MACROD2: variants seen among roughly 807,000 people sequenced by gnomAD.
The protein encoded by MACROD2 is mono-ADP ribosylhydrolase 2.
Under a neutral mutation model 70.4 loss-of-function variants are expected in MACROD2, and 36 were observed. The ratio of observed to expected loss-of-function variants is 0.51; its 90% CI spans 0.39 to 0.68. The LOEUF (loss-of-function observed/expected upper bound fraction) is 0.68, where lower values mean the gene tolerates loss of function less well. Among genes scored for constraint, MACROD2 ranks in the 30% least tolerant of loss-of-function variants. MACROD2 has a pLI of 0.00. For synonymous variants in MACROD2, 172 were observed against 178.8 expected, an observed-to-expected ratio of 0.96 and a Z score of 0.30; for missense variants, 496 against 538.4, an observed-to-expected ratio of 0.92 and a Z score of 0.78.
chr20:14,744,997 G>A (rs6110419), intron 5 of MACROD2, among the ~76,000 whole-genome samples: 3 of 152,050 alleles, frequency 2.0e-5, no homozygotes, highest in African/African-American at 7.2e-5. Flanking sequence ...TATTTTCTCA[G>A]GCTGTAAGGT....
intron 5 of MACROD2, among the ~76,000 whole-genome samples, chr20:15,178,574 C>T (rs1028659024): frequency 1.3e-5 from 2 of 152,208 alleles, no homozygotes; most frequent in Non-Finnish European, 1.5e-5. Context: ...TGCTTTCTCT[C>T]TTTTAACCTC....
chr20:15,096,879 T>G (rs2123182521), intron 5 of MACROD2, among the ~76,000 whole-genome samples: 1 of 150,290 alleles, frequency 6.7e-6, no homozygotes, highest in Non-Finnish European at 1.5e-5. Context: ...TGGCGTGATC[T>G]TGGCTCACTG....
chr20:14,942,001 G>A (rs1450689969), intron 5 of MACROD2, among the ~76,000 whole-genome samples: 1 of 148,456 alleles, frequency 6.7e-6, no homozygotes, highest in African/African-American at 2.5e-5. Context: ...GTTTCGCCGT[G>A]TTGTTCAGGC....
intron 8 of MACROD2, among the ~76,000 whole-genome samples, chr20:15,653,163 T>G (rs17623404): frequency 0.047 from 7,092 of 152,318 alleles, 253 homozygotes; most frequent in Admixed American, 0.076. Flanking sequence ...GTGAACCTTC[T>G]AGAGGTAATT....
intron 8 of MACROD2, among the ~76,000 whole-genome samples, chr20:15,750,875 AAAAC>A (rs972473702): frequency 6.6e-6 from 1 of 152,020 alleles, no homozygotes; most frequent in African/African-American, 2.4e-5. Flanking sequence ...GAATCTAAAA[AAAAC>A]AAAAAACGAC....
chr20:14,255,224 G>A (rs1418354169), intron 3 of MACROD2, among the ~76,000 whole-genome samples: 1 of 152,046 alleles, frequency 6.6e-6, no homozygotes, highest in East Asian at 1.9e-4. Flanking sequence ...GACACAGACT[G>A]GCAAATTGGA....
chr20:14,060,388 A>G (rs2053678284), intron 2 of MACROD2, among the ~76,000 whole-genome samples: 1 of 152,178 alleles, frequency 6.6e-6, no homozygotes, highest in Non-Finnish European at 1.5e-5. Context: ...AGTGGAAAAC[A>G]TTACCAGACC....
chr20:15,278,643 T>C (rs1352382869), intron 6 of MACROD2, among the ~76,000 whole-genome samples: 1 of 152,194 alleles, frequency 6.6e-6, no homozygotes. Flanking sequence ...TCCCATAATA[T>C]TGGCATCATG....
chr20:14,544,698 G>C (rs771664301), intron 4 of MACROD2, among the ~76,000 whole-genome samples: 5 of 152,130 alleles, frequency 3.3e-5, no homozygotes, highest in Non-Finnish European at 5.9e-5. Context: ...GAGTGAAAAA[G>C]TAGGGCAGAG....
chr20:14,394,483 C>T (rs1208221339), intron 3 of MACROD2, among the ~76,000 whole-genome samples: 1 of 151,874 alleles, frequency 6.6e-6, no homozygotes, highest in Non-Finnish European at 1.5e-5. Context: ...GCTTATTAGC[C>T]CTAGAAGCTT....
At chr20:14,643,444 C>G (rs1419622655) in intron 4 of MACROD2, among the ~76,000 whole-genome samples, 2 of 152,126 alleles carry the variant, frequency 1.3e-5, no homozygotes, top group Admixed American at 6.5e-5. Flanking sequence ...TTTTTGTTTA[C>G]TAGTGCAAAT....
chr20:14,367,409 C>T (rs963626956), intron 3 of MACROD2, among the ~76,000 whole-genome samples: 4 of 152,136 alleles, frequency 2.6e-5, no homozygotes, highest in African/African-American at 7.2e-5. Context: ...GCCTAGTATC[C>T]TTTTTGTTAA....
At chr20:15,997,342 T>C (rs991576529) in intron 15 of MACROD2, among the ~76,000 whole-genome samples, 3 of 152,216 alleles carry the variant, frequency 2.0e-5, no homozygotes, top group Admixed American at 1.3e-4. Flanking sequence ...AAGTATGGAA[T>C]ATCTTTACAT....
chr20:14,669,200 G>T (rs1271799013), intron 4 of MACROD2, among the ~76,000 whole-genome samples: 1 of 152,140 alleles, frequency 6.6e-6, no homozygotes, highest in Non-Finnish European at 1.5e-5. Context: ...CGGGCTTCTT[G>T]TTTGCCATCT....
intron 5 of MACROD2, among the ~76,000 whole-genome samples, chr20:14,962,514 TCTCTCTCTCTCTTTC>T (rs2074593212): frequency 4.9e-5 from 7 of 141,820 alleles, no homozygotes; most frequent in African/African-American, 2.1e-4. Context: ...AATTTTGCTC[TCTCTCTCTCTCTTTC>T]TCTCTCTCTC....
At chr20:14,819,127 G>A (rs557884311) in intron 5 of MACROD2, among the ~76,000 whole-genome samples, 7 of 151,738 alleles carry the variant, frequency 4.6e-5, no homozygotes, top group African/African-American at 1.7e-4. Flanking sequence ...ATTGCTGGGT[G>A]TGGTGGCAGG....
At chr20:14,094,578 C>T (rs1401334379) in intron 3 of MACROD2, among the ~76,000 whole-genome samples, 2 of 152,222 alleles carry the variant, frequency 1.3e-5, no homozygotes, top group East Asian at 3.9e-4. Flanking sequence ...TGTTAATTTT[C>T]CTTTAGCTTC....
At position 13,995,856 on chromosome 20, in the gene MACROD2, GTGGGGGC is replaced by G; in HGVS notation, c.46+48_46+54del. 1 of 1,477,880 alleles carries G rather than the reference GTGGGGGC, an allele frequency of 6.8e-7. No individual in the cohort carries two copies. Among genetic ancestry groups the G allele is most frequent in the Non-Finnish European group, 9.2e-7 (1 of 1,084,108 alleles). 91.5% of individuals were successfully genotyped at this position (1,477,880 alleles called of 1,614,324 possible). A position where few individuals can be genotyped will look rare whatever the true frequency, so the allele number is the denominator to read the frequency against. ...GGGGGTGCGGGCGGTGGGGGTTAGG[GTGGGGGC>G]GGGGGTCAGGCTGTGTGTGCCGCGG... On this transcript the variant is annotated intron_variant, in intron 1 of 17. Coordinates refer to ENST00000684519, the MANE Select transcript of MACROD2 (RefSeq NM_001351661.2). This position sits in a 1 kb window ranked among gnomAD's most constrained non-coding sequence, Gnocchi z 4.3.
chr20:14,975,671 C>CA (rs1353307805), intron 5 of MACROD2, among the ~76,000 whole-genome samples: 3 of 151,986 alleles, frequency 2.0e-5, no homozygotes, highest in African/African-American at 7.3e-5. Context: ...ATTCGACTCT[C>CA]ACGACCTCTC....
Sources: allele counts gnomAD v4.1 joint callset (sites outside exome capture counted in the v4.1 genomes callset), GRCh38; gene constraint gnomAD v4.1.1; non-coding constraint Gnocchi (gnomAD v3.1); transcripts MANE v1.5; gene names NCBI Gene and HGNC (gene_info 2026-07-23, HGNC 2026-07-21).